The following DLG2 variants were observed in gnomAD, a reference collection of about 807,000 sequenced individuals.
DLG2 encodes the protein disks large homolog 2.
Under a neutral mutation model 132.5 loss-of-function variants are expected in DLG2, and 45 were observed. The ratio of observed to expected loss-of-function variants is 0.34; its 90% CI spans 0.27 to 0.44. DLG2 has a LOEUF of 0.44. Ranked by LOEUF, DLG2 falls within the 20% of genes least tolerant of loss-of-function variation. DLG2 has a pLI of 1.00. For synonymous variants in DLG2, 424 were observed against 419.6 expected, an observed-to-expected ratio of 1.01 and a Z score of -0.13; for missense variants, 1,045 against 1,196.9, an observed-to-expected ratio of 0.87 and a Z score of 1.87.
rs186635439 is a variant in DLG2, at chr11:83,638,175, C to T, written c.1826-4850G>A. On this transcript the variant is annotated intron_variant, in intron 18 of 27. Coordinates refer to ENST00000376104, the MANE Select transcript of DLG2 (RefSeq NM_001142699.3). ...CTTTCTCCACCTCTATATATGATAA[C>T]CCATTTTCTCCTCCACATTTTTGAG... is the stretch of plus-strand genomic sequence containing the variant. Among the ~76,000 whole-genome samples the T allele has an allele frequency of 2.2e-3, 329 of 152,220 alleles. 3 individuals are homozygous for T. The highest frequency in any genetic ancestry group is 0.02 in the Admixed American group (307 of 15,292).
At chr11:85,312,605 A>G (rs1185309340) in intron 3 of DLG2, among the ~76,000 whole-genome samples, 2 of 151,912 alleles carry the variant, frequency 1.3e-5, no homozygotes, top group African/African-American at 2.4e-5. Context: ...TTTCAGTTTG[A>G]CTCTGATAAA....
intron 7 of DLG2, among the ~76,000 whole-genome samples, chr11:84,532,753 C>T (rs1181154687): frequency 2.6e-5 from 4 of 152,156 alleles, no homozygotes; most frequent in Non-Finnish European, 4.4e-5. Flanking sequence ...ACCTCAGCTT[C>T]CCAAAATGCT....
intron 9 of DLG2, among the ~76,000 whole-genome samples, chr11:84,116,841 C>T (rs1274558169): frequency 2.6e-5 from 4 of 152,108 alleles, no homozygotes; most frequent in Non-Finnish European, 2.9e-5. Context: ...ACAAGTGAAA[C>T]GTGCATTGGC....
At chr11:85,212,671 T>TA in intron 4 of DLG2, among the ~76,000 whole-genome samples, 1 of 152,116 alleles carries the variant, frequency 6.6e-6, no homozygotes, top group Non-Finnish European at 1.5e-5. Flanking sequence ...ATCAAAGCAC[T>TA]CTCACATCTA....
At chr11:84,103,969 C>G (rs1231681919) in intron 9 of DLG2, among the ~76,000 whole-genome samples, 2 of 150,906 alleles carry the variant, frequency 1.3e-5, no homozygotes, top group Non-Finnish European at 2.9e-5. Context: ...AGGATTTTAT[C>G]CTAAAGAAAT....
At chr11:85,102,979 C>A (rs1467887204) in intron 6 of DLG2, among the ~76,000 whole-genome samples, 1 of 151,566 alleles carries the variant, frequency 6.6e-6, no homozygotes, top group Non-Finnish European at 1.5e-5. Context: ...ACTAGAATGA[C>A]CAATGTAAAA....
intron 21 of DLG2, chr11:83,486,147 A>T: frequency 1.6e-6 from 1 of 615,670 alleles, no homozygotes; most frequent in South Asian, 1.9e-5. Context: ...CTGCCCCCAA[A>T]TTTTCCTAGT....
intron 21 of DLG2, among the ~76,000 whole-genome samples, chr11:83,512,838 C>T (rs2095105796): frequency 6.6e-6 from 1 of 152,112 alleles, no homozygotes; most frequent in South Asian, 2.1e-4. Context: ...CAGCTTCATC[C>T]ATGTCCCTAC....
chr11:83,846,649 T>G (rs1286850562), intron 16 of DLG2, among the ~76,000 whole-genome samples: 3 of 152,172 alleles, frequency 2.0e-5, no homozygotes, highest in East Asian at 1.9e-4. Context: ...ATCTTAGAAT[T>G]AGGCACACAT....
intron 14 of DLG2, among the ~76,000 whole-genome samples, chr11:83,935,118 G>A (rs1328590896): frequency 1.3e-5 from 2 of 152,172 alleles, no homozygotes; most frequent in Non-Finnish European, 2.9e-5. Context: ...CGCATGCCCT[G>A]TATTTGCAGA....
At chr11:83,540,613 G>A (rs533942920) in intron 20 of DLG2, among the ~76,000 whole-genome samples, 2 of 152,260 alleles carry the variant, frequency 1.3e-5, no homozygotes, top group Admixed American at 1.3e-4. Context: ...TGTCTCGGGA[G>A]CACAAATACC....
chr11:84,412,450 G>C (rs1289766263), intron 7 of DLG2, among the ~76,000 whole-genome samples: 1 of 152,148 alleles, frequency 6.6e-6, no homozygotes, highest in Non-Finnish European at 1.5e-5. Context: ...TTAAATGTTT[G>C]TTCACTTACT....
chr11:83,472,623 T>A, intron 23 of DLG2, 104 bp downstream of exon 23: 2 of 983,008 alleles, frequency 2.0e-6, no homozygotes, highest in Non-Finnish European at 3.1e-6. Context: ...CAACAGAGCA[T>A]TAAGCCGAGT....
At chr11:84,189,862 C>T (rs1315331391) in intron 8 of DLG2, among the ~76,000 whole-genome samples, 1 of 151,986 alleles carries the variant, frequency 6.6e-6, no homozygotes, top group Admixed American at 6.6e-5. Flanking sequence ...GGAAGGATAG[C>T]TAATGGACAC....
At chr11:85,275,347 A>G (rs890423128) in intron 4 of DLG2, among the ~76,000 whole-genome samples, 1 of 152,182 alleles carries the variant, frequency 6.6e-6, no homozygotes, top group East Asian at 1.9e-4. Flanking sequence ...ACAGATTTCA[A>G]AATAAAACAA....
intron 16 of DLG2, among the ~76,000 whole-genome samples, chr11:83,846,152 T>C (rs965419985): frequency 2.0e-5 from 3 of 152,256 alleles, no homozygotes; most frequent in Admixed American, 6.5e-5. Flanking sequence ...GGGTAGAAAT[T>C]AGGAAAGTGG....
At chr11:83,559,804 G>C (rs180683670) in intron 19 of DLG2, among the ~76,000 whole-genome samples, 265 of 152,242 alleles carry the variant, frequency 1.7e-3, no homozygotes, top group African/African-American at 6.2e-3. Flanking sequence ...CATGATGCCT[G>C]GCACTCCAGC....
chr11:84,577,148 A>G (rs2099502590), intron 6 of DLG2, among the ~76,000 whole-genome samples: 1 of 152,178 alleles, frequency 6.6e-6, no homozygotes, highest in Admixed American at 6.5e-5. Flanking sequence ...CATGATTCTG[A>G]GGACTTCCCA....
chr11:84,340,665 G>C (rs1430358313), intron 7 of DLG2, among the ~76,000 whole-genome samples: 1 of 152,108 alleles, frequency 6.6e-6, no homozygotes, highest in African/African-American at 2.4e-5. Flanking sequence ...ACTGAAACAG[G>C]TATCTCCTGA....
Sources: gnomAD v4.1 joint callset for allele counts (sites outside exome capture counted in the v4.1 genomes callset) on GRCh38, gnomAD v4.1.1 for gene constraint, MANE v1.5 for transcripts, NCBI Gene and HGNC (gene_info 2026-07-23, HGNC 2026-07-21) for gene names.